Variants in MYO3A observed in about 807,000 individuals in gnomAD.
MYO3A encodes the protein myosin-IIIa.
MYO3A carries 180 observed loss-of-function variants against 192.7 expected under a neutral mutation model. That is an observed-to-expected ratio of 0.93 (90% CI 0.83 to 1.06). The LOEUF (loss-of-function observed/expected upper bound fraction) is 1.06, where lower values mean the gene tolerates loss of function less well. Among genes scored for constraint, MYO3A ranks in the 50% least tolerant of loss-of-function variants. The pLI is 0.00. For synonymous variants in MYO3A, 628 were observed against 645.3 expected (o/e 0.97, Z 0.41); for missense variants, 1,896 against 1,905.0 (o/e 1.00, Z 0.09).
In MYO3A at chr10:26,018,598, TTGC is replaced by T. The variant is rs1291557908; in HGVS notation, c.585+1705_585+1707del. Among the ~76,000 whole-genome samples, 3 of 152,186 alleles carry T rather than the reference TTGC, an allele frequency of 2.0e-5. No individual in the cohort carries two copies. In the East Asian group the frequency reaches 5.8e-4, roughly 29 times the overall value. On this transcript the variant is annotated intron_variant, in intron 7 of 34. Coordinates refer to ENST00000642920, the MANE Select transcript of MYO3A (RefSeq NM_017433.5). ...TTAAATTCTATATCAAAAGTAGCAT[TTGC>T]TGGTTACATAAAGACATCCTCTGCC...
intron 10 of MYO3A, among the ~76,000 whole-genome samples, chr10:26,060,466 T>TCAAA (rs796426832): frequency 3.9e-5 from 6 of 151,966 alleles, no homozygotes; most frequent in African/African-American, 7.2e-5. Context: ...AGACTCCATC[T>TCAAA]CAAACAAACA....
chr10:26,070,317 G>C lies in MYO3A; in HGVS notation c.1276-1G>C, dbSNP rs2131388721. 1 of 1,612,946 alleles carries C rather than the reference G, an allele frequency of 6.2e-7. No individual in the cohort carries two copies. Among genetic ancestry groups the C allele is most frequent in the South Asian group, 1.1e-5 (1 of 91,050 alleles). On this transcript the variant is annotated splice_acceptor_variant, in intron 13 of 34. Transcript: ENST00000642920. LOFTEE classifies it high-confidence loss of function. ...CTCACAGTTTTCTTTTCTATGTATA[G>C]TGCATTGTTATTTCTGGAGAAAGTG...
chr10:26,049,673 C>CTTTTTTTTTT (rs66467075), intron 10 of MYO3A, among the ~76,000 whole-genome samples: 17 of 69,114 alleles, frequency 2.5e-4, no homozygotes, highest in African/African-American at 5.7e-4. Context: ...TTCTTTCTTT[C>CTTTTTTTTTT]TTTTTTTTTT....
At chr10:26,141,030 C>G (rs1213165118) in intron 20 of MYO3A, among the ~76,000 whole-genome samples, 1 of 152,072 alleles carries the variant, frequency 6.6e-6, no homozygotes, top group Non-Finnish European at 1.5e-5. Flanking sequence ...CAGGTTCACG[C>G]CATTCTCCTG....
chr10:26,190,246 C>G (rs1381320012), intron 31 of MYO3A, among the ~76,000 whole-genome samples: 1 of 151,998 alleles, frequency 6.6e-6, no homozygotes, highest in African/African-American at 2.4e-5. Flanking sequence ...AAGGATGTGT[C>G]AAAACAATGG....
At chr10:26,168,008 G>T (rs967872277) in intron 27 of MYO3A, among the ~76,000 whole-genome samples, 3 of 152,230 alleles carry the variant, frequency 2.0e-5, no homozygotes, top group Admixed American at 6.5e-5. Context: ...AGAAATGTTA[G>T]ATGAGAACAC....
intron 15 of MYO3A, among the ~76,000 whole-genome samples, chr10:26,092,633 G>A (rs1199865293): frequency 6.6e-6 from 1 of 152,208 alleles, no homozygotes; most frequent in Admixed American, 6.5e-5. Flanking sequence ...GCTTCAGGGT[G>A]CAAAGCAGGT....
At chr10:26,194,336 G>A (rs16926660) in intron 32 of MYO3A, among the ~76,000 whole-genome samples, 16,915 of 152,040 alleles carry the variant, frequency 0.11, 994 homozygotes, top group Non-Finnish European at 0.12. Flanking sequence ...CGTGGGACCC[G>A]TGACTGCTTT....
chr10:25,945,248 A>C (rs1331130759), intron 2 of MYO3A, among the ~76,000 whole-genome samples: 4 of 152,072 alleles, frequency 2.6e-5, no homozygotes, highest in African/African-American at 9.7e-5. Flanking sequence ...GCATGTTTTC[A>C]GTCCCTTTAA....
At chr10:25,988,143 T>C (rs1839769417) in intron 4 of MYO3A, among the ~76,000 whole-genome samples, 1 of 152,088 alleles carries the variant, frequency 6.6e-6, no homozygotes, top group East Asian at 1.9e-4. Context: ...TTCTCACTCA[T>C]ATGTGAGAGC....
Position 26,088,195 on chromosome 10 carries a change from C to A in MYO3A, c.1360-8C>A, listed in dbSNP as rs201980317. 28 of 1,577,460 alleles carry A rather than the reference C, an allele frequency of 1.8e-5. 1 individual carries two copies. In the African/African-American group the frequency reaches 3.3e-4, roughly 18 times the overall value. On this transcript the variant is annotated splice_region_variant and splice_polypyrimidine_tract_variant and intron_variant, in intron 14 of 34. Transcript: ENST00000642920. ...GTTTTTAAAAATATCTTAATATTTT[C>A]TATTTAGGCTAATAACAGAACCTTG...
chr10:26,132,813 A>G (rs1194969227), intron 20 of MYO3A, among the ~76,000 whole-genome samples: 2 of 152,198 alleles, frequency 1.3e-5, no homozygotes, highest in Non-Finnish European at 2.9e-5. Context: ...TACAGCACAT[A>G]ATGGAAACAA....
intron 17 of MYO3A, among the ~76,000 whole-genome samples, chr10:26,107,481 C>CAAAAA (rs1271959522): frequency 1.3e-5 from 1 of 74,414 alleles, no homozygotes. Flanking sequence ...AACACCATCT[C>CAAAAA]AAAAAAAAAA....
chr10:26,135,363 A>G (rs913517911), intron 20 of MYO3A, among the ~76,000 whole-genome samples: 1 of 151,718 alleles, frequency 6.6e-6, no homozygotes, highest in Non-Finnish European at 1.5e-5. Context: ...TCATAAATAT[A>G]AATTATTATT....
intron 4 of MYO3A, among the ~76,000 whole-genome samples, chr10:25,986,299 A>G (rs189304746): frequency 2.6e-5 from 4 of 152,328 alleles, no homozygotes; most frequent in African/African-American, 7.2e-5. Flanking sequence ...CTGAAACAAG[A>G]CAGGGATGCC....
At chr10:25,968,888 G>A (rs534684217) in intron 4 of MYO3A, among the ~76,000 whole-genome samples, 3 of 152,158 alleles carry the variant, frequency 2.0e-5, no homozygotes, top group Non-Finnish European at 4.4e-5. Context: ...ATCCATCTGG[G>A]TTATCAGATT....
intron 10 of MYO3A, among the ~76,000 whole-genome samples, chr10:26,060,164 C>A (rs547290570): frequency 6.6e-6 from 1 of 152,188 alleles, no homozygotes; most frequent in East Asian, 1.9e-4. Context: ...GAGGCTGAGG[C>A]AGGAGAATCA....
At chr10:26,184,815 C>T (rs781773572) in intron 31 of MYO3A, among the ~76,000 whole-genome samples, 12 of 152,200 alleles carry the variant, frequency 7.9e-5, no homozygotes, top group Non-Finnish European at 2.9e-5. Context: ...TATGCTAGTA[C>T]CCACATTGAT....
intron 2 of MYO3A, among the ~76,000 whole-genome samples, chr10:25,942,361 G>C (rs187791201): frequency 2.0e-5 from 3 of 152,142 alleles, no homozygotes; most frequent in Non-Finnish European, 4.4e-5. Flanking sequence ...GGACATGTAG[G>C]TTGTTTCTGT....
Sources: allele counts gnomAD v4.1 joint callset (sites outside exome capture counted in the v4.1 genomes callset), GRCh38; gene constraint gnomAD v4.1.1; transcripts MANE v1.5; gene names NCBI Gene and HGNC (gene_info 2026-07-23, HGNC 2026-07-21).